The following SEMA5B variants were observed in gnomAD, a reference collection of about 807,000 sequenced individuals.
SEMA5B encodes semaphorin-5B.
A neutral mutation model predicts 135.0 loss-of-function variants in SEMA5B; 66 were observed. That is an observed-to-expected ratio of 0.49 (90% CI 0.40 to 0.60). SEMA5B has a LOEUF of 0.60. SEMA5B is among the 20% of genes least tolerant of loss of function. SEMA5B has a pLI of 0.00. For missense variants in SEMA5B, 1,501 were observed against 1,566.3 expected (o/e 0.96, Z 0.70); for synonymous variants, 690 against 639.5 (o/e 1.08, Z -1.19).
At chr3:122,973,839 G>A (rs1941216085) in intron 1 of SEMA5B, among the ~76,000 whole-genome samples, 2 of 152,122 alleles carry the variant, frequency 1.3e-5, no homozygotes, top group Admixed American at 1.3e-4. Context: ...GGAGAAGGTA[G>A]GGAGAAATTC....
intron 1 of SEMA5B, among the ~76,000 whole-genome samples, chr3:122,980,455 C>G (rs1304654698): frequency 6.3e-5 from 8 of 127,212 alleles, no homozygotes; most frequent in African/African-American, 1.1e-4. Context: ...AGTGAAAAGC[C>G]GTGTCAAAAA....
chr3:122,948,823 AT>A, intron 2 of SEMA5B, 114 bp from the exon 3 acceptor site: 1 of 846,586 alleles, frequency 1.2e-6, no homozygotes, highest in South Asian at 2.1e-5. Flanking sequence ...TTTCTATTGT[AT>A]TTATGTTACT....
intron 1 of SEMA5B, among the ~76,000 whole-genome samples, chr3:123,009,810 T>A (rs541233522): frequency 2.4e-4 from 37 of 152,290 alleles, no homozygotes; most frequent in African/African-American, 8.7e-4. Context: ...GTCTCATGGC[T>A]TTAGCTCTCT....
rs1173549106 is a variant in SEMA5B, at chr3:122,910,919, T to C, written c.3218A>G (p.His1073Arg). 4.3e-6 allele frequency: 7 copies of C among 1,613,328 alleles called. No individual in the cohort carries two copies. Among genetic ancestry groups the C allele is most frequent in the Non-Finnish European group, 5.9e-6 (7 of 1,179,966 alleles). ...QRQSQESTLV[H>R]PATPNHLHYK... ...GTGCAAATGGTTGGGGGTGGCAGGA[T>C]GGACCAGTGTGGACTCCTGGGACTG... The change falls in exon 22 of 23, where the codon CAT (histidine) becomes CGT (arginine). Residue 1073 changes from histidine to arginine, a missense_variant. His to Arg is a conservative substitution (Grantham distance 29, BLOSUM62 0). Coordinates refer to ENST00000357599, the MANE Select transcript of SEMA5B (RefSeq NM_001031702.4).
chr3:122,928,822 C>T (rs1190373165), intron 6 of SEMA5B, among the ~76,000 whole-genome samples, 174 bp downstream of exon 6: 1 of 152,020 alleles, frequency 6.6e-6, no homozygotes, highest in African/African-American at 2.4e-5. Context: ...CACTCAGATG[C>T]TCAGGACCAG....
Position 123,025,577 on chromosome 3 carries a change from C to T in SEMA5B, c.-39+1887G>A, listed in dbSNP as rs558947259. On this transcript the variant is annotated intron_variant, in intron 1 of 22. Coordinates refer to ENST00000357599, the MANE Select transcript of SEMA5B (RefSeq NM_001031702.4). ...AGGAGGAAGGCTCTGGCACTGGCTG[C>T]TTGGAAAAAGAAAAGGGATGGAAGA... Among the ~76,000 whole-genome samples, 5 of 152,330 alleles carry T rather than the reference C, an allele frequency of 3.3e-5. No homozygotes were observed. The South Asian group carries it at 1.0e-3, about 32-fold the overall frequency.
At chr3:122,923,830 T>C in intron 9 of SEMA5B, 78 bp from the exon 10 acceptor site, 16 of 1,523,724 alleles carry the variant, frequency 1.1e-5, no homozygotes, top group Non-Finnish European at 1.5e-5. Flanking sequence ...CAGCCAGCTG[T>C]CATGTCCAAT....
chr3:122,966,550 T>C (rs1450466536), intron 1 of SEMA5B, among the ~76,000 whole-genome samples: 2 of 147,714 alleles, frequency 1.4e-5, no homozygotes, highest in Non-Finnish European at 3.0e-5. Context: ...TTATTATTAT[T>C]ATTATTATTA....
intron 1 of SEMA5B, among the ~76,000 whole-genome samples, chr3:122,986,946 C>T (rs1011881717): frequency 3.0e-4 from 45 of 151,978 alleles, no homozygotes; most frequent in African/African-American, 1.1e-3. Context: ...GTGTGGGGCC[C>T]GGGATTGTGG....
intron 1 of SEMA5B, among the ~76,000 whole-genome samples, chr3:122,961,583 C>T (rs913292500): frequency 2.6e-5 from 4 of 152,054 alleles, no homozygotes; most frequent in Admixed American, 1.3e-4. Context: ...CCTCAGCCCC[C>T]CAAGTAGTTG....
intron 1 of SEMA5B, among the ~76,000 whole-genome samples, chr3:123,008,447 T>A (rs539424613): frequency 6.6e-6 from 1 of 152,120 alleles, no homozygotes; most frequent in African/African-American, 2.4e-5. Flanking sequence ...CACTCCAGAG[T>A]TCAGGGCCCA....
chr3:122,913,327 C>A lies in SEMA5B; in HGVS notation c.2378G>T (p.Arg793Leu). Residue 793 changes from arginine to leucine, a missense_variant, in exon 17 of 23, where the codon CGG becomes CTG. Arg to Leu is a moderately radical substitution (Grantham distance 102, BLOSUM62 -2). Transcript: ENST00000357599. ...LPVNVTQGGA[R>L]QEQRFRFTCR... is the part of the protein sequence containing the mutation. ...GGTGAAGCGGAACCGCTGCTCCTGC[C>A]GTGCCCCGCCCTGCGTCACGTTCAC... 1 of 1,572,842 alleles carries A rather than the reference C, an allele frequency of 6.4e-7. No individual in the cohort carries two copies. The highest frequency in any genetic ancestry group is 1.8e-5 in the Admixed American group (1 of 55,772).
At chr3:123,009,054 C>T (rs931924506) in intron 1 of SEMA5B, among the ~76,000 whole-genome samples, 8 of 152,212 alleles carry the variant, frequency 5.3e-5, no homozygotes, top group Admixed American at 6.5e-5. Flanking sequence ...CAGTTTTCAA[C>T]GAGGCTGCAT....
intron 21 of SEMA5B, 55 bp downstream of exon 21, chr3:122,911,436 G>A (rs1937695504): frequency 6.3e-7 from 1 of 1,582,286 alleles, no homozygotes; most frequent in Non-Finnish European, 8.6e-7. Flanking sequence ...ACTTTGGAGT[G>A]GGGTGCCGGA....
At chr3:123,008,372 G>A (rs1942358935) in intron 1 of SEMA5B, among the ~76,000 whole-genome samples, 2 of 152,196 alleles carry the variant, frequency 1.3e-5, no homozygotes, top group South Asian at 4.1e-4. Context: ...CCATTCTAAG[G>A]CAGTGGAAGA....
chr3:122,995,269 G>A (rs1941998466), intron 1 of SEMA5B, among the ~76,000 whole-genome samples: 1 of 152,196 alleles, frequency 6.6e-6, no homozygotes, highest in Non-Finnish European at 1.5e-5. Context: ...GCAGAGGGTG[G>A]CTGGGTCAGC....
chr3:123,011,767 G>C (rs1020950900), intron 1 of SEMA5B, among the ~76,000 whole-genome samples: 1 of 152,196 alleles, frequency 6.6e-6, no homozygotes, highest in Admixed American at 6.5e-5. Flanking sequence ...CTAGAGAGAG[G>C]AGGAGGCCAT....
At chr3:123,016,445 C>T (rs1942558838) in intron 1 of SEMA5B, among the ~76,000 whole-genome samples, 2 of 152,206 alleles carry the variant, frequency 1.3e-5, no homozygotes, top group African/African-American at 2.4e-5. Flanking sequence ...TAAATCATCA[C>T]TTAATTACTT....
chr3:122,988,051 G>A (rs997089525), intron 1 of SEMA5B, among the ~76,000 whole-genome samples: 4 of 152,062 alleles, frequency 2.6e-5, no homozygotes, highest in African/African-American at 9.7e-5. Flanking sequence ...AGCTGCATCA[G>A]AACCACCCAG....
Sources: gnomAD v4.1 joint callset for allele counts (sites outside exome capture counted in the v4.1 genomes callset) on GRCh38, gnomAD v4.1.1 for gene constraint, MANE v1.5 for transcripts, NCBI Gene and HGNC (gene_info 2026-07-23, HGNC 2026-07-21) for gene names.